Variants in CGGBP1 observed in about 807,000 individuals in gnomAD.
The protein encoded by CGGBP1 is CGG triplet repeat binding protein 1, also known as CGG triplet repeat-binding protein 1.
In CGGBP1, 4 loss-of-function variants were observed where a neutral mutation model predicts 11.4. That is an observed-to-expected ratio of 0.35 (90% CI 0.17 to 0.80). The LOEUF is 0.80. Ranked by LOEUF, CGGBP1 falls within the 30% of genes least tolerant of loss-of-function variation. The pLI is 0.52. For missense variants in CGGBP1, 135 were observed against 202.1 expected (o/e 0.67, Z 2.01); for synonymous variants, 76 against 74.1 (o/e 1.03, Z -0.13).
intron 2 of CGGBP1, among the ~76,000 whole-genome samples, chr3:88,116,757 G>GTCT (rs1402101401): frequency 6.6e-6 from 1 of 152,036 alleles, no homozygotes; most frequent in Non-Finnish European, 1.5e-5. Context: ...AGGTGTGGTT[G>GTCT]TCTTTCACTG....
At chr3:88,090,015 G>A (rs1355340252) in intron 2 of CGGBP1, among the ~76,000 whole-genome samples, 4 of 152,154 alleles carry the variant, frequency 2.6e-5, no homozygotes, top group South Asian at 2.1e-4. Flanking sequence ...ACAAACCTAC[G>A]GCTCTGCCAG....
At chr3:88,088,240 G>A (rs1463893122) in intron 2 of CGGBP1, among the ~76,000 whole-genome samples, 1 of 151,980 alleles carries the variant, frequency 6.6e-6, no homozygotes, top group Non-Finnish European at 1.5e-5. Flanking sequence ...ATGCTCATAG[G>A]GCTCCCAATT....
chr3:88,126,321 T>C (rs990693718), intron 2 of CGGBP1: 4 of 1,393,522 alleles, frequency 2.9e-6, no homozygotes, highest in Non-Finnish European at 3.7e-6. Flanking sequence ...GCAAATACAC[T>C]TTCATTTACT....
At chr3:88,103,951 G>A (rs779863181) in intron 2 of CGGBP1, among the ~76,000 whole-genome samples, 11 of 151,566 alleles carry the variant, frequency 7.3e-5, no homozygotes, top group African/African-American at 2.2e-4. Context: ...ATTTTTAGAC[G>A]GGGTTTTGTC....
At chr3:88,072,963 TA>T (rs1438494397) in intron 2 of CGGBP1, among the ~76,000 whole-genome samples, 5 of 57,080 alleles carry the variant, frequency 8.8e-5, no homozygotes, top group Non-Finnish European at 1.1e-4. Context: ...ACTTGACTCT[TA>T]AAAAAATTGT....
intron 2 of CGGBP1, among the ~76,000 whole-genome samples, chr3:88,070,372 A>G (rs1280089582): frequency 6.6e-6 from 1 of 152,104 alleles, no homozygotes. Context: ...TTCAGTGTCC[A>G]CGTAATGATT....
At chr3:88,135,653 T>G (rs896815988) in intron 2 of CGGBP1, among the ~76,000 whole-genome samples, 1 of 152,094 alleles carries the variant, frequency 6.6e-6, no homozygotes, top group Non-Finnish European at 1.5e-5. Context: ...TTAAATTGTT[T>G]ATTTGAAGTA....
chr3:88,084,176 T>C lies in CGGBP1; in HGVS notation c.-228-25953A>G, dbSNP rs374678169. ...GCCTCAGCTAGACTAGGCAAATACATTGGTAGCCAAACCTGGATGAATGAA... is the reference window on the plus strand; with the variant it reads ...GCCTCAGCTAGACTAGGCAAATACACTGGTAGCCAAACCTGGATGAATGAA... On this transcript the variant is annotated intron_variant, in intron 2 of 3. Transcript: ENST00000462901. Among the ~76,000 whole-genome samples, 809 of 152,232 alleles carry C rather than the reference T, an allele frequency of 5.3e-3. 5 individuals carry two copies. Among genetic ancestry groups the C allele is most frequent in the African/African-American group, 0.017 (695 of 41,548 alleles).
chr3:88,088,753 TATGTATGTATGGATGG>T (rs1559701610), intron 2 of CGGBP1, among the ~76,000 whole-genome samples: 3 of 118,078 alleles, frequency 2.5e-5, no homozygotes, highest in Non-Finnish European at 3.9e-5. Context: ...TTTATGTATG[TATGTATGTATGGATGG>T]ATGGATGGAT....
chr3:88,095,920 C>T (rs9310074), intron 2 of CGGBP1: 317,726 of 399,072 alleles, frequency 0.8, 131,688 homozygotes, highest in South Asian at 0.9. Flanking sequence ...ACAGTCTACT[C>T]CTCTTCATTC....
intron 2 of CGGBP1, among the ~76,000 whole-genome samples, chr3:88,125,525 G>A (rs937645244): frequency 6.6e-6 from 1 of 152,014 alleles, no homozygotes; most frequent in Non-Finnish European, 1.5e-5. Flanking sequence ...CAAAGTAGAG[G>A]TTGGATTTAC....
chr3:88,131,870 T>C (rs1706486275), intron 2 of CGGBP1, among the ~76,000 whole-genome samples: 1 of 152,152 alleles, frequency 6.6e-6, no homozygotes, highest in Non-Finnish European at 1.5e-5. Context: ...AAGTCTGTGC[T>C]GTCTGTTTCA....
rs1292951347 is a variant in CGGBP1 at position 88,054,386 on chromosome 3, G to A, written c.*1087C>T. On this transcript the variant is annotated 3_prime_UTR_variant, in exon 4 of 4. Transcript: ENST00000482016. ...TAAGAGAACAATTTCCTCACCCAAA[G>A]TTATGCAGGATACTGCCAGATCTCC... is the stretch of plus-strand genomic sequence containing the variant. 3 of 152,120 alleles carry A rather than the reference G, an allele frequency of 2.0e-5. No individual in the cohort carries two copies. Among genetic ancestry groups the A allele is most frequent in the Non-Finnish European group, 4.4e-5 (3 of 68,006 alleles). 9.4% of individuals were successfully genotyped at this position (152,120 alleles called of 1,614,324 possible).
chr3:88,059,250 A>T, upstream of CGGBP1: 5 of 1,527,032 alleles, frequency 3.3e-6, no homozygotes, highest in East Asian at 4.9e-5. Context: ...GAGGAGGAGG[A>T]GGTTAGCCTA....
At chr3:88,140,830 G>C (rs756795164) in intron 2 of CGGBP1, 1 of 1,613,610 alleles carries the variant, frequency 6.2e-7, no homozygotes, top group Non-Finnish European at 8.5e-7. Context: ...TTGCCTCCCA[G>C]TTACCTTGAT....
intron 2 of CGGBP1, among the ~76,000 whole-genome samples, chr3:88,124,083 A>G (rs1705938564): frequency 6.6e-6 from 1 of 152,214 alleles, no homozygotes; most frequent in African/African-American, 2.4e-5. Context: ...TTTCATGCCA[A>G]GGAAACTAGA....
chr3:88,135,302 G>T, intron 2 of CGGBP1: 1 of 1,048,118 alleles, frequency 9.5e-7, no homozygotes, highest in Non-Finnish European at 1.3e-6. Flanking sequence ...AAAACTGAAG[G>T]AAAGGAGGAT....
chr3:88,070,603 G>T (rs1707458006), intron 2 of CGGBP1, among the ~76,000 whole-genome samples: 1 of 124,440 alleles, frequency 8.0e-6, no homozygotes. Context: ...GATCATATTG[G>T]TGTTTGCCCA....
At chr3:88,140,756 A>G (rs1466165117) in intron 2 of CGGBP1, 1 of 1,613,628 alleles carries the variant, frequency 6.2e-7, no homozygotes, top group Non-Finnish European at 8.5e-7. Flanking sequence ...CACCTTCCAA[A>G]CCAAATCTGA....
Sources: gnomAD v4.1 joint callset for allele counts (sites outside exome capture counted in the v4.1 genomes callset) on GRCh38, gnomAD v4.1.1 for gene constraint, MANE v1.5 for transcripts, NCBI Gene and HGNC (gene_info 2026-07-23, HGNC 2026-07-21) for gene names.